FANCC: variants seen among roughly 807,000 people sequenced by gnomAD.
The protein encoded by FANCC is Fanconi anemia group C protein.
In FANCC, 55 loss-of-function variants were observed where a neutral mutation model predicts 71.3. The observed-to-expected ratio is 0.77, with a 90% confidence interval of 0.62 to 0.97. The LOEUF (loss-of-function observed/expected upper bound fraction) is 0.97. Ranked by LOEUF, FANCC falls within the 50% of genes least tolerant of loss-of-function variation. The probability of loss-of-function intolerance (pLI) is 0.00; values close to 1 mark genes in which losing one functional copy is unlikely to be tolerated. For missense variants in FANCC, 678 were observed against 670.9 expected (o/e 1.01, Z -0.12); for synonymous variants, 275 against 244.9 (o/e 1.12, Z -1.15).
At position 95,150,037 on chromosome 9, in the gene FANCC, A is replaced by G. The variant is rs767302089; in HGVS notation, c.572T>C (p.Ile191Thr). 12 of 1,614,044 alleles carry G rather than the reference A, an allele frequency of 7.4e-6. No individual in the cohort carries two copies. Among genetic ancestry groups the G allele is most frequent in the Admixed American group, 3.3e-5 (2 of 60,000 alleles). ...ASLSRVCVPL[I>T]TLTDVDPLVE... Reference sequence around the variant, plus strand: ...CAGGGGGTCAACATCTGTCAGGGTAATAAGTGGGACACAAACTCGTGACAG... The same window carrying G: ...CAGGGGGTCAACATCTGTCAGGGTAGTAAGTGGGACACAAACTCGTGACAG... The change falls in exon 7 of 15, where the codon ATT becomes ACT. Residue 191 changes from isoleucine to threonine, a missense_variant. Ile to Thr is a moderately conservative substitution (Grantham distance 89). Transcript: ENST00000289081.
intron 1 of FANCC, among the ~76,000 whole-genome samples, chr9:95,291,469 T>A (rs1588425274): frequency 6.6e-6 from 1 of 151,234 alleles, no homozygotes; most frequent in African/African-American, 2.4e-5. Context: ...AAGAAAGCAA[T>A]CCCATTTACA....
At chr9:95,137,350 C>T (rs540840696) in intron 7 of FANCC, among the ~76,000 whole-genome samples, 15 of 152,130 alleles carry the variant, frequency 9.9e-5, no homozygotes, top group South Asian at 2.1e-4. Flanking sequence ...GGGGAGACTG[C>T]GGAGGAGCTG....
At chr9:95,189,320 G>A (rs1361547334) in intron 4 of FANCC, among the ~76,000 whole-genome samples, 5 of 152,144 alleles carry the variant, frequency 3.3e-5, no homozygotes, top group African/African-American at 9.7e-5. Context: ...CAGAAACCTG[G>A]AGAATTGCAG....
chr9:95,177,233 A>G (rs1340647117), intron 4 of FANCC, among the ~76,000 whole-genome samples: 1 of 152,196 alleles, frequency 6.6e-6, no homozygotes. Flanking sequence ...ATGGGACTGT[A>G]CAGAATACTG....
At chr9:95,272,935 G>A (rs958261409) in intron 1 of FANCC, among the ~76,000 whole-genome samples, 2 of 152,022 alleles carry the variant, frequency 1.3e-5, no homozygotes, top group African/African-American at 4.8e-5. Context: ...TTCACTGTCC[G>A]GCAAAGGTGT....
intron 11 of FANCC, among the ~76,000 whole-genome samples, chr9:95,115,836 C>A (rs899246939): frequency 1.3e-5 from 2 of 152,200 alleles, no homozygotes; most frequent in African/African-American, 2.4e-5. Flanking sequence ...CGCATTTCCT[C>A]CACTTGTAGT....
chr9:95,118,172 C>T (rs2072582272), intron 10 of FANCC, among the ~76,000 whole-genome samples: 1 of 152,130 alleles, frequency 6.6e-6, no homozygotes. Context: ...GCACATGCCA[C>T]CACACCTGGC....
At position 95,113,154 on chromosome 9, in the gene FANCC, G is replaced by A. The variant is rs10453242; in HGVS notation, c.1154+1475C>T. Among the ~76,000 whole-genome samples the A allele has an allele frequency of 3.8e-3, 572 of 152,254 alleles. 2 individuals are homozygous for A. The highest frequency in any genetic ancestry group is 0.013 in the African/African-American group (556 of 41,546). On this transcript the variant is annotated intron_variant, in intron 12 of 14. Transcript: ENST00000289081. ...GCAGGCTATTCATGTGGCCAACCCC[G>A]CAGCCTCCATTGGCTGCAGGCCTTT... is the stretch of plus-strand genomic sequence containing the variant.
At chr9:95,209,978 C>A (rs1828389188) in intron 4 of FANCC, among the ~76,000 whole-genome samples, 1 of 152,098 alleles carries the variant, frequency 6.6e-6, no homozygotes, top group African/African-American at 2.4e-5. Context: ...TTTGTAACAG[C>A]AAAACCTGGA....
Position 95,101,454 on chromosome 9 carries a change from G to A in FANCC, c.*253C>T, listed in dbSNP as rs1410294914. ...TAATTATCAAGCTGACGGTCTGGCC[G>A]GGCGGGCACCAGGAGTACCGAAGGC... On this transcript the variant is annotated 3_prime_UTR_variant, in exon 15 of 15. Transcript: ENST00000289081. 3.6e-6 allele frequency: 2 copies of A among 550,424 alleles called. No homozygotes were observed. The highest frequency in any genetic ancestry group is 6.6e-6 in the Non-Finnish European group (2 of 305,322). 34.1% of individuals were successfully genotyped at this position (550,424 alleles called of 1,614,324 possible). A position where few individuals can be genotyped will look rare whatever the true frequency, so the allele number is the denominator to read the frequency against.
chr9:95,138,982 G>C (rs1828155471), intron 7 of FANCC, among the ~76,000 whole-genome samples: 1 of 152,172 alleles, frequency 6.6e-6, no homozygotes, highest in Non-Finnish European at 1.5e-5. Flanking sequence ...TTAATATTTG[G>C]ATAGATTTTG....
chr9:95,248,725 TAAG>T (rs1479918055), intron 2 of FANCC, among the ~76,000 whole-genome samples: 2 of 151,982 alleles, frequency 1.3e-5, no homozygotes, highest in Non-Finnish European at 2.9e-5. Context: ...AAAAGTATTA[TAAG>T]AAGAGATCTT....
chr9:95,251,948 C>A (rs1315430331), intron 1 of FANCC, among the ~76,000 whole-genome samples: 2 of 152,082 alleles, frequency 1.3e-5, no homozygotes, highest in Non-Finnish European at 1.5e-5. Flanking sequence ...GAATATGAAT[C>A]CAGGGTCTGG....
At chr9:95,283,261 T>C (rs1833477522) in intron 1 of FANCC, among the ~76,000 whole-genome samples, 3 of 152,162 alleles carry the variant, frequency 2.0e-5, no homozygotes, top group Non-Finnish European at 4.4e-5. Context: ...TTGTTGATAG[T>C]TAGTAAAGGT....
At chr9:95,293,172 C>G in intron 1 of FANCC, 2 of 1,612,628 alleles carry the variant, frequency 1.2e-6, no homozygotes, top group Non-Finnish European at 1.7e-6. Context: ...CTAACACTGA[C>G]AAGCAGACTC....
chr9:95,292,921 G>A, intron 1 of FANCC: 2 of 1,580,730 alleles, frequency 1.3e-6, no homozygotes. Flanking sequence ...TGCACATGCG[G>A]CTGTCCCTAC....
intron 1 of FANCC, chr9:95,294,382 T>C: frequency 6.3e-7 from 1 of 1,597,722 alleles, no homozygotes; most frequent in South Asian, 1.1e-5. Context: ...CGCAGATACC[T>C]CTGCTCAGTC....
chr9:95,281,897 A>G (rs1833403643), intron 1 of FANCC, among the ~76,000 whole-genome samples: 1 of 152,070 alleles, frequency 6.6e-6, no homozygotes, highest in Non-Finnish European at 1.5e-5. Context: ...ACCACAAAGC[A>G]AAAGCCTATA....
chr9:95,261,087 G>A (rs1295986513), intron 1 of FANCC, among the ~76,000 whole-genome samples: 2 of 152,186 alleles, frequency 1.3e-5, no homozygotes, highest in African/African-American at 4.8e-5. Flanking sequence ...TCACAAAGAG[G>A]GAGAGACGTT....
Sources: gnomAD v4.1 joint callset for allele counts (sites outside exome capture counted in the v4.1 genomes callset) on GRCh38, gnomAD v4.1.1 for gene constraint, MANE v1.5 for transcripts, NCBI Gene and HGNC (gene_info 2026-07-23, HGNC 2026-07-21) for gene names.